The following ERICH3 variants were observed in gnomAD, a reference collection of about 807,000 sequenced individuals.
ERICH3 encodes the protein glutamate-rich protein 3.
In ERICH3, 126 loss-of-function variants were observed where a neutral mutation model predicts 131.1. The observed-to-expected ratio is 0.96, with a 90% CI of 0.83 to 1.11. The LOEUF (loss-of-function observed/expected upper bound fraction) is 1.11. Ranked by LOEUF, ERICH3 falls within the 50% of genes most tolerant of loss-of-function variation. The pLI is 0.00. For synonymous variants in ERICH3, 695 were observed against 644.6 expected, an observed-to-expected ratio of 1.08 and a Z score of -1.18; for missense variants, 2,050 against 1,810.7, an observed-to-expected ratio of 1.13 and a Z score of -2.40.
intron 1 of ERICH3, among the ~76,000 whole-genome samples, chr1:74,654,190 C>T (rs1483432895): frequency 6.6e-6 from 1 of 151,986 alleles, no homozygotes; most frequent in Non-Finnish European, 1.5e-5. Context: ...CAAGAATCAC[C>T]TTTAAAAATT....
chr1:74,628,479 T>C (rs1446450167), intron 7 of ERICH3, among the ~76,000 whole-genome samples: 1 of 152,212 alleles, frequency 6.6e-6, no homozygotes, highest in Non-Finnish European at 1.5e-5. Flanking sequence ...ACATTTTCTT[T>C]TCTCTAACTT....
At chr1:74,672,480 G>C (rs535479947) in intron 1 of ERICH3, among the ~76,000 whole-genome samples, 1 of 152,122 alleles carries the variant, frequency 6.6e-6, no homozygotes, top group Non-Finnish European at 1.5e-5. Flanking sequence ...TACACTCAGA[G>C]AATTCATTAA....
chr1:74,641,598 G>T, intron 4 of ERICH3, 139 bp from the exon 5 acceptor site: 2 of 1,040,908 alleles, frequency 1.9e-6, no homozygotes, highest in Non-Finnish European at 2.7e-6. Flanking sequence ...TAAGGAGTTA[G>T]GTGTGGTGGT....
intron 12 of ERICH3, chr1:74,577,197 C>T (rs910408839): frequency 1.2e-5 from 4 of 328,826 alleles, no homozygotes; most frequent in African/African-American, 8.5e-5. Context: ...GTGAAGCTCT[C>T]CTTAGGGCCT....
At position 74,616,398 on chromosome 1, in the gene ERICH3, C is replaced by T. The variant is rs1374303756; in HGVS notation, c.1001-3589G>A. On this transcript the variant is annotated intron_variant, in intron 8 of 14. Coordinates refer to ENST00000326665, the MANE Select transcript of ERICH3 (RefSeq NM_001002912.5). ...TAAAAGGAACATAGAAGCAATAAAC[C>T]AGTCATAGAAGCATTTGATAAGCTC... is the stretch of plus-strand genomic sequence containing the variant. Among the ~76,000 whole-genome samples the T allele has an allele frequency of 2.0e-5, 3 of 152,008 alleles. No individual in the cohort carries two copies. The East Asian group carries it at 5.8e-4, about 29-fold the overall frequency.
intron 11 of ERICH3, among the ~76,000 whole-genome samples, chr1:74,593,408 G>C (rs938875117): frequency 6.6e-6 from 1 of 152,054 alleles, no homozygotes; most frequent in Non-Finnish European, 1.5e-5. Flanking sequence ...TTTCGACTTT[G>C]GTTATGCTAT....
chr1:74,612,925 A>G (rs1648770335), intron 8 of ERICH3, 116 bp from the exon 9 acceptor site: 7 of 847,758 alleles, frequency 8.3e-6, no homozygotes, highest in Middle Eastern at 3.6e-4. Context: ...GGGGTGTCCA[A>G]TCTTTTGGCT....
At position 74,612,742 on chromosome 1, in the gene ERICH3, C is replaced by A; in HGVS notation, c.1068G>T (p.Gly356=). 6.2e-7 allele frequency: 1 copy of A among 1,602,706 alleles called. No homozygotes were observed. The highest frequency in any genetic ancestry group is 8.5e-7 in the Non-Finnish European group (1 of 1,171,276). The part of the protein sequence containing the change: ...FPFSLTFFLN[G]MQVNRLSSCC... ...AGGAGCTTAACCTGTTCACCTGCAT[C>A]CCATTCAGGAAAAAGGTGAGACTGA... The change falls in exon 9 of 15, where the codon GGG becomes GGT. Residue 356 remains glycine (G), a synonymous_variant. Transcript: ENST00000326665.
At chr1:74,597,239 T>C (rs951793883) in intron 11 of ERICH3, among the ~76,000 whole-genome samples, 1 of 151,998 alleles carries the variant, frequency 6.6e-6, no homozygotes, top group Non-Finnish European at 1.5e-5. Flanking sequence ...CTAAAAGACA[T>C]GTTTATGCCT....
intron 1 of ERICH3, among the ~76,000 whole-genome samples, chr1:74,651,272 G>C (rs1024977144): frequency 2.6e-5 from 4 of 152,060 alleles, no homozygotes; most frequent in Non-Finnish European, 5.9e-5. Context: ...AGTAAGAAAA[G>C]TTTAATTTCA....
intron 11 of ERICH3, among the ~76,000 whole-genome samples, chr1:74,598,677 A>G (rs1343492922): frequency 1.3e-5 from 2 of 151,878 alleles, no homozygotes; most frequent in East Asian, 3.9e-4. Context: ...TCAACCCACC[A>G]GGAGTTAGGG....
intron 4 of ERICH3, 27 bp from the exon 5 acceptor site, chr1:74,641,486 T>C (rs766879274): frequency 8.7e-6 from 14 of 1,604,540 alleles, no homozygotes; most frequent in Admixed American, 5.2e-5. Flanking sequence ...ATTTAGCAAA[T>C]AGATGCATAG....
At chr1:74,656,473 A>T (rs1248991663) in intron 1 of ERICH3, among the ~76,000 whole-genome samples, 1 of 152,142 alleles carries the variant, frequency 6.6e-6, no homozygotes, top group East Asian at 1.9e-4. Flanking sequence ...GCAAGAAAGC[A>T]CACCCATTCC....
chr1:74,664,105 G>C (rs1401403057), intron 1 of ERICH3, among the ~76,000 whole-genome samples: 1 of 152,076 alleles, frequency 6.6e-6, no homozygotes, highest in African/African-American at 2.4e-5. Context: ...AATAGTCTTA[G>C]AAGCAGCTCT....
At chr1:74,634,853 A>C (rs1483995731) in intron 6 of ERICH3, 1 of 560,014 alleles carries the variant, frequency 1.8e-6, no homozygotes, top group Non-Finnish European at 3.2e-6. Flanking sequence ...TGGGTGTATC[A>C]GGCCATATAG....
chr1:74,655,762 C>T (rs1006020970), intron 1 of ERICH3, among the ~76,000 whole-genome samples: 6 of 152,152 alleles, frequency 3.9e-5, no homozygotes, highest in Non-Finnish European at 8.8e-5. Flanking sequence ...CTCCCATAAG[C>T]CTGATGCCAG....
At chr1:74,584,599 C>T (rs1232607497) in intron 12 of ERICH3, among the ~76,000 whole-genome samples, 1 of 152,154 alleles carries the variant, frequency 6.6e-6, no homozygotes, top group Non-Finnish European at 1.5e-5. Flanking sequence ...ATTAGAGAGG[C>T]CATCCCAAAA....
chr1:74,601,060 C>A (rs779091956), intron 10 of ERICH3, among the ~76,000 whole-genome samples: 1 of 151,434 alleles, frequency 6.6e-6, no homozygotes, highest in Non-Finnish European at 1.5e-5. Context: ...AAACCTATAA[C>A]AAAGAAAATT....
chr1:74,573,995 T>C (rs12403385), intron 13 of ERICH3, among the ~76,000 whole-genome samples: 2,163 of 133,620 alleles, frequency 0.016, 19 homozygotes, highest in African/African-American at 0.027. Context: ...TTTTCTCTCT[T>C]TTTTTTTTTT....
Sources: gnomAD v4.1 joint callset for allele counts (sites outside exome capture counted in the v4.1 genomes callset) on GRCh38, gnomAD v4.1.1 for gene constraint, MANE v1.5 for transcripts, NCBI Gene and HGNC (gene_info 2026-07-23, HGNC 2026-07-21) for gene names.